The following DOLPP1 variants were observed in gnomAD, a reference collection of about 807,000 sequenced individuals.
DOLPP1 encodes dolichyldiphosphatase 1, also known as dolichyl pyrophosphate phosphatase 1.
Under a neutral mutation model 34.1 loss-of-function variants are expected in DOLPP1, and 15 were observed. The observed-to-expected ratio is 0.44, with a 90% CI of 0.29 to 0.68. The LOEUF is 0.68. Among genes scored for constraint, DOLPP1 ranks in the 30% least tolerant of loss-of-function variants. The probability of loss-of-function intolerance (pLI) is 0.12; values close to 1 mark genes in which losing one functional copy is unlikely to be tolerated. For missense variants in DOLPP1, 249 were observed against 307.1 expected (o/e 0.81, Z 1.41); for synonymous variants, 130 against 128.2 (o/e 1.01, Z -0.10).
At chr9:129,086,096 G>C in intron 5 of DOLPP1, 43 bp from the exon 6 acceptor site, 4 of 1,601,324 alleles carry the variant, frequency 2.5e-6, no homozygotes, top group Non-Finnish European at 3.4e-6. Flanking sequence ...GCGGGCCTGT[G>C]TCTGACTGGC....
rs754872763 is a variant in DOLPP1 at position 129,086,127 on chromosome 9, G to T, written c.462-12G>T. On this transcript the variant is annotated splice_polypyrimidine_tract_variant and intron_variant, in intron 5 of 7. Transcript: ENST00000372546. ...CTGGCTCTCACATACTTCGCTTCTG[G>T]CCTTGGCCCAGGGTCTACCTGCTGT... 4 of 1,612,320 alleles carry T rather than the reference G, an allele frequency of 2.5e-6. No individual in the cohort carries two copies. In the East Asian group the frequency reaches 6.7e-5, roughly 27 times the overall value.
Position 129,089,008 on chromosome 9 carries a change from C to T in DOLPP1, c.*1C>T, listed in dbSNP as rs1303543551. ...CAAGCTGGGGACGAAACTGCAGTGACCAGTGGGTGTGGCTGGGTCCAGCCT... is the reference window on the plus strand; with the variant it reads ...CAAGCTGGGGACGAAACTGCAGTGATCAGTGGGTGTGGCTGGGTCCAGCCT... On this transcript the variant is annotated 3_prime_UTR_variant, in exon 8 of 8. Transcript: ENST00000372546. This position sits in a 1 kb window ranked among gnomAD's most constrained non-coding sequence, Gnocchi z 4.9. 1.9e-6 allele frequency: 3 copies of T among 1,613,782 alleles called. No individual in the cohort carries two copies. The highest frequency in any genetic ancestry group is 1.1e-5 in the South Asian group (1 of 91,086).
At position 129,086,785 on chromosome 9, in the gene DOLPP1, C is replaced by T. The variant is rs539892518; in HGVS notation, c.667C>T (p.Arg223Trp). Residue 223 changes from arginine (R) to tryptophan (W), a missense_variant, in exon 7 of 8, where the codon CGG (arginine) becomes TGG (tryptophan). By Grantham distance (101) the Arg-to-Trp change is moderately radical. Coordinates refer to ENST00000372546, the MANE Select transcript of DOLPP1 (RefSeq NM_020438.5). ...ACTCTGGTTTGAGTACACGGTAACC[C>T]GGGCAGAAGCCAGGTGAGTTCAGGG... The part of the protein sequence containing the change: ...NVLWFEYTVT[R>W]AEARNRQRKL... 1.9e-6 allele frequency: 3 copies of T among 1,613,596 alleles called. No homozygotes were observed. The highest frequency in any genetic ancestry group is 2.5e-6 in the Non-Finnish European group (3 of 1,179,974).
intron 1 of DOLPP1, among the ~76,000 whole-genome samples, chr9:129,081,411 C>G (rs1846886436): frequency 6.6e-6 from 1 of 152,242 alleles, no homozygotes; most frequent in East Asian, 1.9e-4. Context: ...TTGTGAGGCG[C>G]TCGCTCGCGC....
At chr9:129,084,070 C>T (rs964683224) in intron 1 of DOLPP1, among the ~76,000 whole-genome samples, 1 of 152,254 alleles carries the variant, frequency 6.6e-6, no homozygotes, top group East Asian at 1.9e-4. Context: ...GCAGCTGTTA[C>T]CGTCGCCCTA....
At chr9:129,081,273 G>A in intron 1 of DOLPP1, 66 bp downstream of exon 1, 1 of 1,576,250 alleles carries the variant, frequency 6.3e-7, no homozygotes, top group South Asian at 1.1e-5. Flanking sequence ...GGGCGCTCCG[G>A]CCTGCTCGAG....
chr9:129,086,329 C>G, intron 6 of DOLPP1, 62 bp downstream of exon 6: 1 of 1,590,374 alleles, frequency 6.3e-7, no homozygotes, highest in Non-Finnish European at 8.6e-7. Context: ...GTGGGGCCAT[C>G]AGTGGGCGGA....
rs1483588903 is a variant in DOLPP1, at chr9:129,085,268, GTTC to G, written c.329_331del (p.Phe110del). The G allele has an allele frequency of 1.2e-6, 2 of 1,614,088 alleles. No individual in the cohort carries two copies. The highest frequency in any genetic ancestry group is 1.1e-5 in the South Asian group (1 of 91,078). On this transcript the variant is annotated inframe_deletion, in exon 4 of 8. Transcript: ENST00000372546. The surrounding 1 kb of genome is among the most constrained non-coding windows in gnomAD (Gnocchi z 7.0). ...CCTCCAGCCATTCCCAGTTTATGTGGTTCTTCTCCGTCTATTCCTTCCTTTTCC... is the reference window on the plus strand; with the variant it reads ...CCTCCAGCCATTCCCAGTTTATGTGGTTCTCCGTCTATTCCTTCCTTTTCC...
At chr9:129,081,896 C>T (rs1228772536) in intron 1 of DOLPP1, among the ~76,000 whole-genome samples, 3 of 152,146 alleles carry the variant, frequency 2.0e-5, no homozygotes, top group African/African-American at 7.2e-5. Context: ...GGGGTCAGAC[C>T]CATCTGGGCT....
Position 129,085,038 on chromosome 9 carries a change from G to A in DOLPP1, c.193G>A (p.Gly65Ser). 6.4e-7 allele frequency: 1 copy of A among 1,573,102 alleles called. No individual in the cohort carries two copies. Among genetic ancestry groups the A allele is most frequent in the Non-Finnish European group, 8.6e-7 (1 of 1,160,440 alleles). The change falls in exon 3 of 8, where the codon GGC becomes AGC. Residue 65 changes from glycine (G) to serine (S), a missense_variant. Transcript: ENST00000372546. This position sits in a 1 kb window ranked among gnomAD's most constrained non-coding sequence, Gnocchi z 7.0. ...TCCCCAGCAGATCTCCTTCCTTGGG[G>A]GCCTGGCACTGAACGAGGGGGTCAA... is the stretch of plus-strand genomic sequence containing the variant. ...RELHTISFLG[G>S]LALNEGVNWL...
In DOLPP1 at chr9:129,081,218, G is replaced by T. The variant is rs754871315; in HGVS notation, c.76+11G>T. 6.8e-6 allele frequency: 11 copies of T among 1,607,534 alleles called. No homozygotes were observed. The South Asian group carries it at 7.7e-5, about 11-fold the overall frequency. ...TCGAATATCCTGCAGGTAAAAGGCG[G>T]TCCCGGCTCCAAGGACGCCTTCCCA... is the stretch of plus-strand genomic sequence containing the variant. On this transcript the variant is annotated intron_variant, in intron 1 of 7. Transcript: ENST00000372546.
Position 129,085,177 on chromosome 9 carries a change from C to G in DOLPP1, c.263-30C>G, listed in dbSNP as rs183641758. 6.2e-7 allele frequency: 1 copy of G among 1,610,060 alleles called. No homozygotes were observed. The highest frequency in any genetic ancestry group is 2.2e-5 in the East Asian group (1 of 44,860). On this transcript the variant is annotated intron_variant, in intron 3 of 7. Transcript: ENST00000372546. The surrounding 1 kb of genome is among the most constrained non-coding windows in gnomAD (Gnocchi z 7.0). ...CGTTACTGGGAGGTCTGCATCCCCCCGTGATGCCCTGGTCTCCTCTCTCTC... is the reference window on the plus strand; with the variant it reads ...CGTTACTGGGAGGTCTGCATCCCCCGGTGATGCCCTGGTCTCCTCTCTCTC...
chr9:129,084,616 C>A, intron 1 of DOLPP1, 52 bp from the exon 2 acceptor site: 1 of 1,318,900 alleles, frequency 7.6e-7, no homozygotes, highest in Admixed American at 1.7e-5. Context: ...GGGCTGGTCC[C>A]TCTTCTGATG....
At chr9:129,086,086 G>A in intron 5 of DOLPP1, 53 bp from the exon 6 acceptor site, 2 of 1,588,422 alleles carry the variant, frequency 1.3e-6, no homozygotes, top group Non-Finnish European at 1.7e-6. Flanking sequence ...TGGGGATTGT[G>A]CGGGCCTGTG....
chr9:129,086,414 G>A (rs1194691486), intron 6 of DOLPP1, 147 bp downstream of exon 6: 2 of 1,108,136 alleles, frequency 1.8e-6, no homozygotes, highest in Non-Finnish European at 2.5e-6. Flanking sequence ...AGAGACACAG[G>A]GGGTTTCCTC....
Position 129,085,414 on chromosome 9 carries a change from G to A in DOLPP1, c.363-104G>A, listed in dbSNP as rs1846970394. On this transcript the variant is annotated intron_variant, in intron 4 of 7. Coordinates refer to ENST00000372546, the MANE Select transcript of DOLPP1 (RefSeq NM_020438.5). This position sits in a 1 kb window ranked among gnomAD's most constrained non-coding sequence, Gnocchi z 7.0. ...CCCCTGGGGTGGGAGGGGCTGCAGC[G>A]GAGGCAGAAGGTACCCAGGGAGCAT... 1.3e-5 allele frequency: 20 copies of A among 1,502,656 alleles called. No individual in the cohort carries two copies. Among genetic ancestry groups the A allele is most frequent in the Admixed American group, 5.1e-5 (3 of 59,222 alleles). The allele number at this position is 1,502,656 out of a possible 1,614,324, so 93.1% of individuals were successfully genotyped here.
At chr9:129,081,344 G>T in intron 1 of DOLPP1, 137 bp downstream of exon 1, 1 of 1,116,666 alleles carries the variant, frequency 9.0e-7, no homozygotes, top group African/African-American at 1.6e-5. Flanking sequence ...CCACGGAGGG[G>T]CTCGGCCGGC....
At chr9:129,083,738 C>T (rs1384933242) in intron 1 of DOLPP1, among the ~76,000 whole-genome samples, 1 of 152,146 alleles carries the variant, frequency 6.6e-6, no homozygotes, top group Non-Finnish European at 1.5e-5. Context: ...TCTCATGCAG[C>T]TGTAGGAGGT....
intron 1 of DOLPP1, among the ~76,000 whole-genome samples, chr9:129,082,488 A>C (rs564119214): frequency 1.3e-5 from 2 of 152,334 alleles, no homozygotes; most frequent in South Asian, 2.1e-4. Context: ...TATAAGAGGA[A>C]AGCCAAAGCC....
Sources: gnomAD v4.1 joint callset for allele counts (sites outside exome capture counted in the v4.1 genomes callset) on GRCh38, gnomAD v4.1.1 for gene constraint, Gnocchi (gnomAD v3.1) non-coding constraint, MANE v1.5 for transcripts, NCBI Gene and HGNC (gene_info 2026-07-23, HGNC 2026-07-21) for gene names.